Variants in IMPA1 observed in about 807,000 individuals in gnomAD.
IMPA1 encodes D-galactose 1-phosphate phosphatase.
IMPA1 carries 21 observed loss-of-function variants against 34.9 expected under a neutral mutation model. That is an observed-to-expected ratio of 0.60 (90% CI 0.43 to 0.87). The LOEUF is 0.87. IMPA1 is among the 40% of genes least tolerant of loss of function. IMPA1 has a pLI of 0.00. For missense variants in IMPA1, 299 were observed against 336.4 expected (o/e 0.89, Z 0.87); for synonymous variants, 95 against 104.4 (o/e 0.91, Z 0.55).
chr8:81,680,709 C>T lies in IMPA1; in HGVS notation c.138G>A (p.Thr46=), dbSNP rs145492338. ...KSSPVDLVTA[T]DQKVEKMLIS... ...TAAGCATTTTTTCAACTTTTTGGTC[C>T]GTAGCAGTTACCAAATCAACTGGAG... Residue 46 remains threonine (T), a synonymous_variant, in exon 3 of 9, where the codon ACG becomes ACA. Transcript: ENST00000256108. The T allele has an allele frequency of 2.1e-5, 34 of 1,612,326 alleles. 1 individual carries two copies. Among genetic ancestry groups the T allele is most frequent in the South Asian group, 1.6e-4 (15 of 90,986 alleles).
At position 81,659,404 on chromosome 8, in the gene IMPA1, T is replaced by G; in HGVS notation, c.781A>C (p.Arg261=). The stretch of plus-strand genomic sequence containing the variant: ...ATAACCTGAATTTCTTTAGCTATCC[T>G]TTCTGCTAATATTCTATTATTTGCA... The part of the protein sequence containing the change: ...IAANNRILAE[R]IAKEIQVIPL... Residue 261 remains arginine, a synonymous_variant, in exon 9 of 9, where the codon AGG becomes CGG. Coordinates refer to ENST00000256108, the MANE Select transcript of IMPA1 (RefSeq NM_005536.4). The G allele has an allele frequency of 6.2e-7, 1 of 1,612,700 alleles. No homozygotes were observed. The highest frequency in any genetic ancestry group is 8.5e-7 in the Non-Finnish European group (1 of 1,178,896).
intron 4 of IMPA1, chr8:81,678,693 A>C (rs530473382): frequency 1.3e-5 from 2 of 153,686 alleles, no homozygotes; most frequent in African/African-American, 5.0e-5. Context: ...ACTCCATCTT[A>C]AAAAAAAAAA....
Position 81,659,238 on chromosome 8 carries a change from A to G in IMPA1, c.*113T>C. On this transcript the variant is annotated 3_prime_UTR_variant, in exon 9 of 9. Transcript: ENST00000256108. ...ATAAGAAACAAGTTCCAAATTTTTG[A>G]CCTGGACAAAGAGAATTTAAACCAA... 1.4e-6 allele frequency: 1 copy of G among 690,740 alleles called. No homozygotes were observed. The highest frequency in any genetic ancestry group is 2.6e-6 in the Non-Finnish European group (1 of 386,640). 42.8% of individuals were successfully genotyped at this position (690,740 alleles called of 1,614,324 possible).
At chr8:81,663,330 G>T (rs905788478) in intron 7 of IMPA1, among the ~76,000 whole-genome samples, 1 of 152,198 alleles carries the variant, frequency 6.6e-6, no homozygotes, top group Non-Finnish European at 1.5e-5. Context: ...TATTGACAGA[G>T]GCTCTCTTTT....
In IMPA1 at chr8:81,668,432, C is replaced by G. The variant is rs1449579811; in HGVS notation, c.566+2507G>C. The stretch of plus-strand genomic sequence containing the variant: ...AACCCCATTTTTATACAAAATACCA[C>G]AAATATAAAAATTAACTGGATGTGG... On this transcript the variant is annotated intron_variant, in intron 7 of 8. Coordinates refer to ENST00000256108, the MANE Select transcript of IMPA1 (RefSeq NM_005536.4). Among the ~76,000 whole-genome samples the G allele has an allele frequency of 2.0e-5, 3 of 151,866 alleles. No homozygotes were observed. The South Asian group carries it at 6.2e-4, about 32-fold the overall frequency.
chr8:81,659,315 G>T lies in IMPA1; in HGVS notation c.*36C>A. The T allele has an allele frequency of 8.4e-7, 1 of 1,195,748 alleles. No individual in the cohort carries two copies. Among genetic ancestry groups the T allele is most frequent in the Non-Finnish European group, 1.3e-6 (1 of 798,936 alleles). The allele number at this position is 1,195,748 out of a possible 1,614,324, so 74.1% of individuals were successfully genotyped here. On this transcript the variant is annotated 3_prime_UTR_variant, in exon 9 of 9. Coordinates refer to ENST00000256108, the MANE Select transcript of IMPA1 (RefSeq NM_005536.4). ...CCATTGATGAGTCACCAAATCTGGG[G>T]AAAAGCAACTGGGATTGACTATGAG...
At position 81,658,921 on chromosome 8, in the gene IMPA1, T is replaced by G. The variant is rs1472827668; in HGVS notation, c.*430A>C. 1 of 164,376 alleles carries G rather than the reference T, an allele frequency of 6.1e-6. No homozygotes were observed. Among genetic ancestry groups the G allele is most frequent in the African/African-American group, 2.4e-5 (1 of 41,542 alleles). The allele number at this position is 164,376 out of a possible 1,614,324, so 10.2% of individuals were successfully genotyped here. A position where few individuals can be genotyped will look rare whatever the true frequency, so the allele number is the denominator to read the frequency against. On this transcript the variant is annotated 3_prime_UTR_variant, in exon 9 of 9. Coordinates refer to ENST00000256108, the MANE Select transcript of IMPA1 (RefSeq NM_005536.4). ...AGAAAAAAAAGTTGGCCTAGGGTAC[T>G]CAGTATATCCTTACAAATTTAATTA...
intron 7 of IMPA1, among the ~76,000 whole-genome samples, chr8:81,666,574 G>C (rs1806828442): frequency 6.6e-6 from 1 of 152,048 alleles, no homozygotes; most frequent in African/African-American, 2.4e-5. Context: ...AGGCAAACAG[G>C]AAAAATAAGA....
rs867946303 is a variant in IMPA1 at position 81,684,821 on chromosome 8, T to C, written c.-25+1431A>G. On this transcript the variant is annotated intron_variant, in intron 1 of 8. Coordinates refer to ENST00000256108, the MANE Select transcript of IMPA1 (RefSeq NM_005536.4). ...ATTTAGATACTATGTGGAGTATATA[T>C]ACTATACATAGTATCTATGTGTAGT... is the stretch of plus-strand genomic sequence containing the variant. Among the ~76,000 whole-genome samples the C allele has an allele frequency of 2.3e-4, 32 of 142,070 alleles. 2 individuals carry two copies. Among genetic ancestry groups the C allele is most frequent in the African/African-American group, 7.5e-4 (29 of 38,806 alleles). The allele number at this position is 142,070 out of a possible 152,430, so 93.2% of individuals were successfully genotyped here.
At chr8:81,676,371 A>T (rs1010130359) in intron 4 of IMPA1, 92 bp from the exon 5 acceptor site, 10 of 595,034 alleles carry the variant, frequency 1.7e-5, no homozygotes, top group Admixed American at 1.6e-4. Flanking sequence ...TGTTCTTAAA[A>T]TTTTTCCTAT....
chr8:81,673,889 T>C lies in IMPA1; in HGVS notation c.409A>G (p.Lys137Glu). ...EGKMYTARKG[K>E]GAFCNGQKLQ... is the part of the protein sequence containing the mutation. ...TTTTGACCATTACAAAAGGCACCTTTTCCTTTTCTGGCAGTGTACATCTTG... is the reference window on the plus strand; with the variant it reads ...TTTTGACCATTACAAAAGGCACCTTCTCCTTTTCTGGCAGTGTACATCTTG... Residue 137 changes from lysine (K) to glutamate (E), a missense_variant, in exon 6 of 9, where the codon AAA becomes GAA. Transcript: ENST00000256108. 1 of 1,613,552 alleles carries C rather than the reference T, an allele frequency of 6.2e-7. No individual in the cohort carries two copies. The highest frequency in any genetic ancestry group is 8.5e-7 in the Non-Finnish European group (1 of 1,179,586).
intron 8 of IMPA1, among the ~76,000 whole-genome samples, chr8:81,660,267 C>T (rs748217968): frequency 2.0e-5 from 3 of 152,158 alleles, no homozygotes; most frequent in Non-Finnish European, 4.4e-5. Context: ...TTTTCTACAG[C>T]CTTTCAGGAG....
rs117080001 is a variant in IMPA1, at chr8:81,668,777, A to G, written c.566+2162T>C. 5.1e-3 allele frequency among the ~76,000 whole-genome samples: 777 copies of G among 152,220 alleles called. 6 individuals carry two copies. Among genetic ancestry groups the G allele is most frequent in the Non-Finnish European group, 6.2e-3 (423 of 67,986 alleles). ...GAGCCAGGTGTTACTTCTAAAGACA[A>G]TGAAAGAAAGAACCCGAAGGCATTT... On this transcript the variant is annotated intron_variant, in intron 7 of 8. Transcript: ENST00000256108.
chr8:81,674,785 G>A (rs903776014), intron 5 of IMPA1: 1 of 454,162 alleles, frequency 2.2e-6, no homozygotes, highest in African/African-American at 2.0e-5. Context: ...AATTCATTTT[G>A]GCTCCCATCA....
chr8:81,663,738 T>C (rs1284007489), intron 7 of IMPA1, among the ~76,000 whole-genome samples: 1 of 152,176 alleles, frequency 6.6e-6, no homozygotes, highest in East Asian at 1.9e-4. Flanking sequence ...ACAACTATGG[T>C]CAAAGAAATA....
chr8:81,679,310 C>CA (rs1172689405), intron 3 of IMPA1, 80 bp from the exon 4 acceptor site: 1 of 959,276 alleles, frequency 1.0e-6, no homozygotes, highest in Non-Finnish European at 1.7e-6. Flanking sequence ...CTTAGCTACA[C>CA]AGAGTACTAT....
In IMPA1 at chr8:81,657,079, T is replaced by C. The variant is rs1461309778; in HGVS notation, c.*2272A>G. Among the ~76,000 whole-genome samples the C allele has an allele frequency of 2.0e-5, 3 of 152,200 alleles. No homozygotes were observed. The highest frequency in any genetic ancestry group is 2.9e-5 in the Non-Finnish European group (2 of 68,046). On this transcript the variant is annotated 3_prime_UTR_variant, in exon 9 of 9. Transcript: ENST00000256108. ...TTACTCAAAGAAATATTTTCAAATATTATTAGATAATTCACTTGTCGATCA... is the reference window on the plus strand; with the variant it reads ...TTACTCAAAGAAATATTTTCAAATACTATTAGATAATTCACTTGTCGATCA...
Position 81,685,833 on chromosome 8 carries a change from C to T in IMPA1, c.-25+419G>A, listed in dbSNP as rs749222209. On this transcript the variant is annotated intron_variant, in intron 1 of 8. Coordinates refer to ENST00000256108, the MANE Select transcript of IMPA1 (RefSeq NM_005536.4). ...TTCTGTCCTGGTCACAGCCTTCCAGCGTAGGAGCCAGGCCACCTTCCTTTT... is the reference window on the plus strand; with the variant it reads ...TTCTGTCCTGGTCACAGCCTTCCAGTGTAGGAGCCAGGCCACCTTCCTTTT... 5.8e-6 allele frequency: 9 copies of T among 1,551,060 alleles called. No homozygotes were observed. In the South Asian group the frequency reaches 7.1e-5, roughly 12 times the overall value.
intron 1 of IMPA1, among the ~76,000 whole-genome samples, chr8:81,683,759 G>A (rs1372419797): frequency 1.4e-5 from 2 of 145,096 alleles, no homozygotes; most frequent in Non-Finnish European, 3.0e-5. Flanking sequence ...TACTTGAGTA[G>A]ACAGCAACTG....
Sources: allele counts gnomAD v4.1 joint callset (sites outside exome capture counted in the v4.1 genomes callset), GRCh38; gene constraint gnomAD v4.1.1; transcripts MANE v1.5; gene names NCBI Gene and HGNC (gene_info 2026-07-23, HGNC 2026-07-21).